SLC24A2: variants seen among roughly 807,000 people sequenced by gnomAD.
SLC24A2 encodes solute carrier family 24 member 2.
A neutral mutation model predicts 62.0 loss-of-function variants in SLC24A2; 36 were observed. The observed-to-expected ratio is 0.58, with a 90% CI of 0.44 to 0.77. The LOEUF (loss-of-function observed/expected upper bound fraction) is 0.77, where lower values mean the gene tolerates loss of function less well. Among genes scored for constraint, SLC24A2 ranks in the 30% least tolerant of loss-of-function variants. The pLI is 0.00. For missense variants in SLC24A2, 846 were observed against 817.9 expected (o/e 1.03, Z -0.42); for synonymous variants, 358 against 294.0 (o/e 1.22, Z -2.23).
the SLC24A2 span, among the ~76,000 whole-genome samples, chr9:20,076,861 G>GTATATA: frequency 0.013 from 1,428 of 105,816 alleles, 7 homozygotes; most frequent in Non-Finnish European, 0.021. Context: ...CATATCATAT[G>GTATATA]TATATATATA....
the SLC24A2 span, among the ~76,000 whole-genome samples, chr9:19,839,369 C>T: frequency 2.0e-4 from 31 of 152,164 alleles, no homozygotes; most frequent in African/African-American, 6.3e-4. Context: ...CAGCAACATG[C>T]TCAGAGATAG....
Position 19,511,443 on chromosome 9 carries a change from T to A in SLC24A2, c.*4710A>T, listed in dbSNP as rs1230725340. ...GTAATTGGCTAAACATAGCCTGATATTTGTTACTGTTTTAAACTACATAGG... is the reference window on the plus strand; with the variant it reads ...GTAATTGGCTAAACATAGCCTGATAATTGTTACTGTTTTAAACTACATAGG... On this transcript the variant is annotated 3_prime_UTR_variant, in exon 11 of 11. Coordinates refer to ENST00000341998, the MANE Select transcript of SLC24A2 (RefSeq NM_020344.4). The A allele has an allele frequency of 6.6e-6, 1 of 152,208 alleles. No individual in the cohort carries two copies. Among genetic ancestry groups the A allele is most frequent in the African/African-American group, 2.4e-5 (1 of 41,456 alleles). 9.4% of individuals were successfully genotyped at this position (152,208 alleles called of 1,614,324 possible).
the SLC24A2 span, among the ~76,000 whole-genome samples, chr9:19,832,422 C>T: frequency 3.9e-5 from 6 of 152,158 alleles, no homozygotes; most frequent in South Asian, 1.2e-3. Flanking sequence ...TCAAAATGAT[C>T]AACCAAGTCA....
the SLC24A2 span, among the ~76,000 whole-genome samples, chr9:19,960,800 T>G: frequency 6.6e-6 from 1 of 152,174 alleles, no homozygotes; most frequent in Admixed American, 6.5e-5. Context: ...GAAACAGTAG[T>G]ATTTACTTCA....
At chr9:19,812,143 T>C in the SLC24A2 span, among the ~76,000 whole-genome samples, 1 of 152,172 alleles carries the variant, frequency 6.6e-6, no homozygotes, top group Admixed American at 6.5e-5. Flanking sequence ...CATTTAATTG[T>C]TGTTATTGTT....
intron 7 of SLC24A2, among the ~76,000 whole-genome samples, chr9:19,569,654 G>A (rs561543467): frequency 5.9e-5 from 9 of 152,094 alleles, no homozygotes; most frequent in East Asian, 1.9e-4. Context: ...ACACCGTGGC[G>A]CCAGGGATCT....
chr9:19,839,076 C>T, the SLC24A2 span, among the ~76,000 whole-genome samples: 97 of 152,104 alleles, frequency 6.4e-4, no homozygotes, highest in African/African-American at 2.1e-3. Flanking sequence ...AAAAAGGGGG[C>T]GAAGTATATG....
the SLC24A2 span, among the ~76,000 whole-genome samples, chr9:19,884,603 T>C: frequency 0.41 from 62,161 of 151,612 alleles, 13,247 homozygotes; most frequent in East Asian, 0.83. Context: ...TTCTTATATA[T>C]AAACATATGG....
intron 2 of SLC24A2, among the ~76,000 whole-genome samples, chr9:19,692,894 C>G (rs1333480337): frequency 1.3e-5 from 2 of 152,098 alleles, no homozygotes; most frequent in Non-Finnish European, 2.9e-5. Flanking sequence ...ATTTTTCAAG[C>G]TTTACTCATC....
chr9:19,979,957 C>A, the SLC24A2 span, among the ~76,000 whole-genome samples: 1 of 152,134 alleles, frequency 6.6e-6, no homozygotes, highest in African/African-American at 2.4e-5. Context: ...GGTTGATTGC[C>A]TGCAAAGGAC....
At chr9:19,910,537 T>C in the SLC24A2 span, among the ~76,000 whole-genome samples, 1 of 152,036 alleles carries the variant, frequency 6.6e-6, no homozygotes, top group Non-Finnish European at 1.5e-5. Context: ...TGGGGCCTCA[T>C]ATTTTTGTCA....
At chr9:19,658,805 T>C (rs1195347967) in intron 2 of SLC24A2, among the ~76,000 whole-genome samples, 1 of 152,042 alleles carries the variant, frequency 6.6e-6, no homozygotes, top group African/African-American at 2.4e-5. Flanking sequence ...CTCCCTTCTG[T>C]CTAGATGTAA....
At chr9:20,230,465 T>G in the SLC24A2 span, among the ~76,000 whole-genome samples, 78 of 152,368 alleles carry the variant, frequency 5.1e-4, no homozygotes, top group African/African-American at 1.8e-3. Flanking sequence ...GGTTTTGATT[T>G]GCATTTCTCT....
intron 2 of SLC24A2, among the ~76,000 whole-genome samples, chr9:19,650,007 C>T (rs967993784): frequency 8.5e-5 from 13 of 152,166 alleles, no homozygotes; most frequent in Admixed American, 5.9e-4. Flanking sequence ...CTAACTCTGG[C>T]GGGGTACAAC....
At chr9:20,187,672 C>G in the SLC24A2 span, among the ~76,000 whole-genome samples, 1 of 152,226 alleles carries the variant, frequency 6.6e-6, no homozygotes, top group African/African-American at 2.4e-5. Flanking sequence ...CCAGGGGTCA[C>G]TTCCTCTAGG....
chr9:19,903,457 G>C, the SLC24A2 span, among the ~76,000 whole-genome samples: 4 of 152,102 alleles, frequency 2.6e-5, no homozygotes, highest in Non-Finnish European at 1.5e-5. Context: ...CACCACATTG[G>C]GGATTAAGGC....
the SLC24A2 span, among the ~76,000 whole-genome samples, chr9:19,825,382 G>T: frequency 3.3e-5 from 5 of 152,166 alleles, 1 homozygote; most frequent in Non-Finnish European, 7.3e-5. Context: ...CAAGACTAAG[G>T]TGGGGAACAA....
chr9:20,199,180 C>T, the SLC24A2 span, among the ~76,000 whole-genome samples: 539 of 152,186 alleles, frequency 3.5e-3, 5 homozygotes, highest in Non-Finnish European at 3.1e-3. Flanking sequence ...ATGATTTCAG[C>T]CATTACTTTA....
the SLC24A2 span, among the ~76,000 whole-genome samples, chr9:19,882,869 C>T: frequency 2.0e-5 from 3 of 152,156 alleles, no homozygotes; most frequent in Non-Finnish European, 4.4e-5. Flanking sequence ...GAAAAGGCTA[C>T]TCCACCAAGC....
Sources: gnomAD v4.1 joint callset for allele counts (sites outside exome capture counted in the v4.1 genomes callset) on GRCh38, gnomAD v4.1.1 for gene constraint, MANE v1.5 for transcripts, NCBI Gene and HGNC (gene_info 2026-07-23, HGNC 2026-07-21) for gene names.